MRPL37: variants seen among roughly 807,000 people sequenced by gnomAD.
MRPL37 encodes the protein large ribosomal subunit protein mL37.
A neutral mutation model predicts 44.1 loss-of-function variants in MRPL37; 34 were observed. The observed-to-expected ratio is 0.77, with a 90% confidence interval of 0.59 to 1.03. The LOEUF (loss-of-function observed/expected upper bound fraction) is 1.03. Ranked by LOEUF, MRPL37 falls within the 50% of genes least tolerant of loss-of-function variation. The probability of loss-of-function intolerance (pLI) is 0.00; values close to 1 mark genes in which losing one functional copy is unlikely to be tolerated. For synonymous variants in MRPL37, 212 were observed against 219.5 expected, an observed-to-expected ratio of 0.97 and a Z score of 0.30; for missense variants, 532 against 543.7, an observed-to-expected ratio of 0.98 and a Z score of 0.21.
chr1:54,216,461 C>T (rs1166215901), intron 6 of MRPL37, 117 bp downstream of exon 6: 2 of 1,200,158 alleles, frequency 1.7e-6, no homozygotes, highest in Non-Finnish European at 2.4e-6. Context: ...CTGGGGACTT[C>T]CCACCCGGGA....
Position 54,218,296 on chromosome 1 carries a change from C to T in MRPL37, c.*47C>T, listed in dbSNP as rs549872566. 4.0e-5 allele frequency: 65 copies of T among 1,613,670 alleles called. 1 individual carries two copies. Among genetic ancestry groups the T allele is most frequent in the Middle Eastern group, 1.7e-4 (1 of 5,832 alleles). On this transcript the variant is annotated 3_prime_UTR_variant, in exon 7 of 7. Coordinates refer to ENST00000360840, the MANE Select transcript of MRPL37 (RefSeq NM_016491.4). ...TGAAACCCCTCTTGCCTCTCTTCCA[C>T]GGAAGAGGGCCTGGGCCCCGTGGAG...
rs1165448113 is a variant in MRPL37, at chr1:54,210,145, T to C, written c.832+14T>C. 1.9e-6 allele frequency: 3 copies of C among 1,610,846 alleles called. No homozygotes were observed. The South Asian group carries it at 3.3e-5, about 18-fold the overall frequency. ...AAAATGACACAGGTAAGGATCAATG[T>C]CTTGGACTTTTAGGCAGTGTGGAGG... On this transcript the variant is annotated intron_variant, in intron 4 of 6. Transcript: ENST00000360840.
chr1:54,220,496 G>A, downstream of MRPL37: 1 of 378,414 alleles, frequency 2.6e-6, no homozygotes, highest in South Asian at 2.0e-5. Flanking sequence ...GGGCAGGCAG[G>A]ACTGGCGGTT....
At chr1:54,216,629 T>C (rs533931867) in intron 6 of MRPL37, among the ~76,000 whole-genome samples, 7 of 152,228 alleles carry the variant, frequency 4.6e-5, no homozygotes, top group Admixed American at 4.6e-4. Flanking sequence ...TTGTAGGTGC[T>C]GCTCCTTTTG....
Position 54,200,349 on chromosome 1 carries a change from C to T in MRPL37, c.106C>T (p.Arg36Cys), listed in dbSNP as rs1316203793. 4.3e-6 allele frequency: 7 copies of T among 1,613,956 alleles called. No homozygotes were observed. The highest frequency in any genetic ancestry group is 5.9e-6 in the Non-Finnish European group (7 of 1,180,002). Residue 36 changes from arginine to cysteine, a missense_variant, in exon 1 of 7, where the codon CGC becomes TGC. By Grantham distance (180) the Arg-to-Cys change is radical (BLOSUM62 -3). Transcript: ENST00000360840. ...PRRGAYEWGVRSTRKSEPPPL... is the reference protein window; with the variant it reads ...PRRGAYEWGVCSTRKSEPPPL... Reference sequence around the variant, plus strand: ...ACGCGGGGCGTATGAGTGGGGCGTGCGCTCCACGCGGAAGTCGGAGCCTCC... The same window carrying T: ...ACGCGGGGCGTATGAGTGGGGCGTGTGCTCCACGCGGAAGTCGGAGCCTCC...
chr1:54,209,954 C>G lies in MRPL37; in HGVS notation c.655C>G (p.Leu219Val). 3.7e-6 allele frequency: 6 copies of G among 1,613,998 alleles called. No homozygotes were observed. The highest frequency in any genetic ancestry group is 5.1e-6 in the Non-Finnish European group (6 of 1,179,922). ...FSATWNRESL[L>V]LQVRGSGGAR... ...ATTTTTCTCCCTTTTAGAGTCTCTTCTCCTTCAAGTCCGTGGTTCTGGTGG... is the reference window on the plus strand; with the variant it reads ...ATTTTTCTCCCTTTTAGAGTCTCTTGTCCTTCAAGTCCGTGGTTCTGGTGG... The change falls in exon 4 of 7, where the codon CTC (leucine) becomes GTC (valine). Residue 219 changes from leucine to valine, a missense_variant. Transcript: ENST00000360840.
Position 54,200,514 on chromosome 1 carries a change from C to T in MRPL37, c.271C>T (p.Pro91Ser). 1 of 1,614,148 alleles carries T rather than the reference C, an allele frequency of 6.2e-7. No homozygotes were observed. Among genetic ancestry groups the T allele is most frequent in the Non-Finnish European group, 8.5e-7 (1 of 1,179,996 alleles). ...GYKDPRFYRS[P>S]PLHEHPLYKD... ...CAAGGACCCAAGGTTCTACCGCTCG[C>T]CCCCTCTTCACGAGCATCCGCTGTA... The change falls in exon 1 of 7, where the codon CCC becomes TCC. Residue 91 changes from proline (P) to serine (S), a missense_variant. By Grantham distance (74) the Pro-to-Ser change is moderately conservative. Transcript: ENST00000360840.
At chr1:54,224,720 G>C (rs1170880013), downstream of MRPL37, among the ~76,000 whole-genome samples, 1 of 145,544 alleles carries the variant, frequency 6.9e-6, no homozygotes, top group Non-Finnish European at 1.5e-5. Context: ...GAAGTACAAA[G>C]TTCTTTCTAG....
intron 5 of MRPL37, among the ~76,000 whole-genome samples, chr1:54,214,083 T>A (rs12033727): frequency 0.15 from 23,183 of 152,188 alleles, 2,239 homozygotes; most frequent in East Asian, 0.47. Context: ...CTCGGGAGGC[T>A]GAGGCATGAA....
intron 4 of MRPL37, among the ~76,000 whole-genome samples, chr1:54,210,717 C>T (rs1032556104): frequency 1.3e-5 from 2 of 152,130 alleles, no homozygotes; most frequent in African/African-American, 4.8e-5. Context: ...CCTCATAAAC[C>T]CCTTCATTGT....
intron 3 of MRPL37, among the ~76,000 whole-genome samples, chr1:54,205,893 C>T (rs1425776952): frequency 1.3e-5 from 2 of 152,046 alleles, no homozygotes; most frequent in Non-Finnish European, 2.9e-5. Context: ...TAGTGTAAAC[C>T]ATTTATTGTG....
downstream of MRPL37, among the ~76,000 whole-genome samples, chr1:54,224,761 C>T (rs1374678285): frequency 6.6e-6 from 1 of 152,140 alleles, no homozygotes; most frequent in Admixed American, 6.5e-5. Flanking sequence ...AGCAGCTTAC[C>T]TCACCCTAGC....
chr1:54,209,706 G>T (rs924148416), intron 3 of MRPL37, among the ~76,000 whole-genome samples: 1 of 152,004 alleles, frequency 6.6e-6, no homozygotes, highest in Non-Finnish European at 1.5e-5. Context: ...TGATCCACCC[G>T]CCTCAGCCTC....
At chr1:54,206,136 G>A (rs995076962) in intron 3 of MRPL37, among the ~76,000 whole-genome samples, 6 of 151,324 alleles carry the variant, frequency 4.0e-5, no homozygotes, top group African/African-American at 1.5e-4. Context: ...TTTTTGAGAC[G>A]GAGTCTCGCT....
In MRPL37 at chr1:54,203,719, G is replaced by A. The variant is rs1644101094; in HGVS notation, c.347-1299G>A. ...TCAAACTCCTGACCTCAAGTGATCTGCCCACCTCAGCCTCCCAAAGTGCTG... is the reference window on the plus strand; with the variant it reads ...TCAAACTCCTGACCTCAAGTGATCTACCCACCTCAGCCTCCCAAAGTGCTG... On this transcript the variant is annotated intron_variant, in intron 1 of 6. Coordinates refer to ENST00000360840, the MANE Select transcript of MRPL37 (RefSeq NM_016491.4). Among the ~76,000 whole-genome samples the A allele has an allele frequency of 2.0e-5, 3 of 151,650 alleles. No homozygotes were observed. The South Asian group carries it at 6.2e-4, about 32-fold the overall frequency.
At position 54,218,248 on chromosome 1, in the gene MRPL37, G is replaced by T. The variant is rs759331730; in HGVS notation, c.1271G>T (p.Ter424LeuextTer8). 14 of 1,614,100 alleles carry T rather than the reference G, an allele frequency of 8.7e-6. No individual in the cohort carries two copies. Among genetic ancestry groups the T allele is most frequent in the Non-Finnish European group, 4.2e-6 (5 of 1,180,046 alleles). Residue 424 changes from the stop codon to leucine, a stop_lost, in exon 7 of 7, where the codon TGA (stop) becomes TTA (leucine). Coordinates refer to ENST00000360840, the MANE Select transcript of MRPL37 (RefSeq NM_016491.4). ...GCTCTATATTTGCATGGTGCTGCGT[G>T]AGCGGAGGACCCCTCTGAATCCTGA... ...FLALYLHGAA[*>L]
At chr1:54,218,420 G>A (rs1033460535), downstream of MRPL37, 92 of 1,452,628 alleles carry the variant, frequency 6.3e-5, 1 homozygote, top group Middle Eastern at 5.1e-4. Flanking sequence ...CGGGAAGGGC[G>A]CCCACACAAG....
intron 3 of MRPL37, among the ~76,000 whole-genome samples, chr1:54,207,935 A>C (rs1356004804): frequency 6.6e-6 from 1 of 152,136 alleles, no homozygotes; most frequent in Non-Finnish European, 1.5e-5. Flanking sequence ...TATTTCTGAA[A>C]ACCCAAGCAC....
At chr1:54,224,294 G>A (rs896870949), downstream of MRPL37, among the ~76,000 whole-genome samples, 1 of 152,152 alleles carries the variant, frequency 6.6e-6, no homozygotes, top group African/African-American at 2.4e-5. Context: ...AAGGTGAAGA[G>A]GGAAGGACCA....
Sources: allele counts gnomAD v4.1 joint callset (sites outside exome capture counted in the v4.1 genomes callset), GRCh38; gene constraint gnomAD v4.1.1; transcripts MANE v1.5; gene names NCBI Gene and HGNC (gene_info 2026-07-23, HGNC 2026-07-21).